MGST1: variants seen among roughly 807,000 people sequenced by gnomAD.
MGST1 encodes the protein glutathione S-transferase 12.
A neutral mutation model predicts 8.9 loss-of-function variants in MGST1; 5 were observed. That is an observed-to-expected ratio of 0.56 (90% CI 0.29 to 1.19). MGST1 has a LOEUF of 1.19. Ranked by LOEUF, MGST1 falls within the 50% of genes most tolerant of loss-of-function variation. The pLI is 0.08. For missense variants in MGST1, 182 were observed against 187.4 expected, an observed-to-expected ratio of 0.97 and a Z score of 0.17; for synonymous variants, 54 against 67.8, an observed-to-expected ratio of 0.80 and a Z score of 1.00.
At chr12:16,430,518 G>A (rs1940928719) in intron 1 of MGST1, among the ~76,000 whole-genome samples, 2 of 152,270 alleles carry the variant, frequency 1.3e-5, no homozygotes, top group East Asian at 3.9e-4. Context: ...TGGATATTGT[G>A]TTAGCAGGCA....
At chr12:16,372,419 A>G (rs916191074) in intron 3 of MGST1, among the ~76,000 whole-genome samples, 1 of 152,118 alleles carries the variant, frequency 6.6e-6, no homozygotes, top group African/African-American at 2.4e-5. Context: ...CAACTAGTAT[A>G]TGAAAAAACA....
Position 16,576,416 on chromosome 12 carries a change from A to G in MGST1, n.483-13112A>G, listed in dbSNP as rs1419318521. ...TGCCTGCTGAGTTCCTACTAAATCT[A>G]TTCTTCCTGGAAGACTACTGCTGCT... On this transcript the variant is annotated intron_variant and non_coding_transcript_variant, in intron 4 of 4. Transcript: ENST00000538857. The surrounding 1 kb of genome is among the most constrained non-coding windows in gnomAD (Gnocchi z 4.1). Among the ~76,000 whole-genome samples the G allele has an allele frequency of 6.6e-6, 1 of 152,038 alleles. No individual in the cohort carries two copies. The highest frequency in any genetic ancestry group is 6.6e-5 in the Admixed American group (1 of 15,264).
chr12:16,375,726 T>C (rs974824636), intron 3 of MGST1, among the ~76,000 whole-genome samples: 12 of 151,924 alleles, frequency 7.9e-5, no homozygotes, highest in African/African-American at 2.9e-4. Context: ...ATTAGAAGTA[T>C]TAGTTTTAAC....
chr12:16,566,763 C>T (rs187536684), intron 4 of MGST1, among the ~76,000 whole-genome samples: 51 of 152,144 alleles, frequency 3.4e-4, no homozygotes, highest in Non-Finnish European at 4.7e-4. Context: ...GAAAGTTCAA[C>T]GTATAAATAT....
chr12:16,412,210 A>C (rs1260253530), intron 1 of MGST1, among the ~76,000 whole-genome samples: 1 of 152,194 alleles, frequency 6.6e-6, no homozygotes, highest in Non-Finnish European at 1.5e-5. Context: ...CCAAACCACT[A>C]AATGTGACCA....
chr12:16,421,485 T>C (rs1036173045), intron 1 of MGST1, among the ~76,000 whole-genome samples: 4 of 152,208 alleles, frequency 2.6e-5, no homozygotes, highest in Non-Finnish European at 5.9e-5. Context: ...CACTTCTATT[T>C]CTAGTTTATT....
intron 4 of MGST1, among the ~76,000 whole-genome samples, chr12:16,498,468 C>T (rs1941484133): frequency 6.6e-6 from 1 of 152,132 alleles, no homozygotes; most frequent in Admixed American, 6.6e-5. Context: ...CTCCAAAACT[C>T]AGTCCAGGCC....
intron 1 of MGST1, among the ~76,000 whole-genome samples, chr12:16,421,570 G>T (rs746112465): frequency 6.6e-6 from 1 of 152,178 alleles, no homozygotes; most frequent in Non-Finnish European, 1.5e-5. Context: ...CTCTATTCAT[G>T]TGTAGAATAA....
chr12:16,513,504 G>A lies in MGST1; in HGVS notation n.483-76024G>A. 1 of 470,990 alleles carries A rather than the reference G, an allele frequency of 2.1e-6. No homozygotes were observed. Among genetic ancestry groups the A allele is most frequent in the South Asian group, 1.6e-5 (1 of 63,520 alleles). The allele number at this position is 470,990 out of a possible 1,614,324, so 29.2% of individuals were successfully genotyped here. ...GCTCCTGGTGGACCCATGTGGAGAT[G>A]GGACCACCAGATCCCATCCTTGGAG... is the stretch of plus-strand genomic sequence containing the variant. On this transcript the variant is annotated intron_variant and non_coding_transcript_variant, in intron 4 of 4. Transcript: ENST00000538857. The surrounding 1 kb of genome is among the most constrained non-coding windows in gnomAD (Gnocchi z 4.2).
rs139466611 is a variant in MGST1, at chr12:16,539,118, C to T, written n.483-50410C>T. 1.9e-3 allele frequency among the ~76,000 whole-genome samples: 293 copies of T among 152,208 alleles called. 1 individual carries two copies. In the East Asian group the frequency reaches 0.019, roughly 10 times the overall value. ...AGTACAATTCAAGATGATATCTGGG[C>T]GGGGACACAGAGCCAAACCATATCA... On this transcript the variant is annotated intron_variant and non_coding_transcript_variant, in intron 4 of 4. Coordinates refer to the MGST1 transcript ENST00000538857.
chr12:16,485,315 G>GT (rs1454647997), intron 4 of MGST1, among the ~76,000 whole-genome samples: 2 of 152,184 alleles, frequency 1.3e-5, no homozygotes, highest in Non-Finnish European at 2.9e-5. Context: ...AACGTTCGGT[G>GT]TAATAGCCAC....
At chr12:16,445,002 A>G (rs888474278) in intron 4 of MGST1, among the ~76,000 whole-genome samples, 5 of 151,808 alleles carry the variant, frequency 3.3e-5, no homozygotes, top group African/African-American at 1.2e-4. Flanking sequence ...GACTTGTCAT[A>G]AAATCCATAC....
intron 4 of MGST1, among the ~76,000 whole-genome samples, chr12:16,535,116 A>C (rs1315696204): frequency 6.6e-6 from 1 of 152,178 alleles, no homozygotes; most frequent in Non-Finnish European, 1.5e-5. Context: ...CATTTTAAAA[A>C]TTCTGCTTCC....
In MGST1 at chr12:16,482,300, G is replaced by A. The variant is rs780911367; in HGVS notation, n.482+98696G>A. On this transcript the variant is annotated intron_variant and non_coding_transcript_variant, in intron 4 of 4. Coordinates refer to the MGST1 transcript ENST00000538857. This position sits in a 1 kb window ranked among gnomAD's most constrained non-coding sequence, Gnocchi z 4.2. ...GAATACATTTAAAATAGATTTTTCT[G>A]TGAGAAAAAGAAAAGGAATGTTTGA... Among the ~76,000 whole-genome samples, 1 of 152,080 alleles carries A rather than the reference G, an allele frequency of 6.6e-6. No individual in the cohort carries two copies. The highest frequency in any genetic ancestry group is 1.5e-5 in the Non-Finnish European group (1 of 68,026).
intron 4 of MGST1, among the ~76,000 whole-genome samples, chr12:16,568,535 G>C (rs1942697575): frequency 1.3e-5 from 2 of 152,162 alleles, no homozygotes; most frequent in South Asian, 4.1e-4. Context: ...GACATGTAGT[G>C]AGTCTGAATT....
At chr12:16,439,514 A>G (rs530711222), downstream of MGST1, among the ~76,000 whole-genome samples, 3 of 151,912 alleles carry the variant, frequency 2.0e-5, no homozygotes, top group South Asian at 4.1e-4. Context: ...GATTCACCAT[A>G]GCCTTGCCCT....
downstream of MGST1, among the ~76,000 whole-genome samples, chr12:16,381,425 C>G (rs1459081475): frequency 6.6e-6 from 1 of 152,116 alleles, no homozygotes; most frequent in Non-Finnish European, 1.5e-5. Context: ...ATATGAAATT[C>G]TGGGTTGAAA....
intron 4 of MGST1, among the ~76,000 whole-genome samples, chr12:16,561,690 T>C (rs1333844774): frequency 3.3e-5 from 5 of 152,246 alleles, no homozygotes; most frequent in Non-Finnish European, 2.9e-5. Context: ...TCTTAAGGCA[T>C]GCATATTCAT....
At chr12:16,495,186 C>T (rs1941462213) in intron 4 of MGST1, among the ~76,000 whole-genome samples, 1 of 152,068 alleles carries the variant, frequency 6.6e-6, no homozygotes, top group Non-Finnish European at 1.5e-5. Flanking sequence ...AAACTGGAAG[C>T]CATTATCTTA....
Sources: gnomAD v4.1 joint callset for allele counts (sites outside exome capture counted in the v4.1 genomes callset) on GRCh38, gnomAD v4.1.1 for gene constraint, Gnocchi (gnomAD v3.1) non-coding constraint, MANE v1.5 for transcripts, NCBI Gene and HGNC (gene_info 2026-07-23, HGNC 2026-07-21) for gene names.